The following WDR41 variants were observed in gnomAD, a reference collection of about 807,000 sequenced individuals.
The protein encoded by WDR41 is WD repeat domain 41.
Under a neutral mutation model 69.3 loss-of-function variants are expected in WDR41, and 63 were observed. That is an observed-to-expected ratio of 0.91 (90% confidence interval 0.74 to 1.12). The LOEUF (loss-of-function observed/expected upper bound fraction) is 1.12, where lower values mean the gene tolerates loss of function less well. Ranked by LOEUF, WDR41 falls within the 50% of genes most tolerant of loss-of-function variation. The pLI is 0.00. For missense variants in WDR41, 543 were observed against 534.5 expected (o/e 1.02, Z -0.16); for synonymous variants, 185 against 192.1 (o/e 0.96, Z 0.31).
chr5:77,544,405 T>C (rs1370277775), intron 1 of WDR41, among the ~76,000 whole-genome samples: 1 of 151,994 alleles, frequency 6.6e-6, no homozygotes, highest in African/African-American at 2.4e-5. Flanking sequence ...TCACCAACCA[T>C]CTGCTGGCTT....
intron 1 of WDR41, among the ~76,000 whole-genome samples, chr5:77,551,235 A>T (rs577562076): frequency 6.6e-6 from 1 of 152,386 alleles, no homozygotes; most frequent in South Asian, 2.1e-4. Context: ...ATAAAATTTC[A>T]GAAAGAAAGA....
intron 1 of WDR41, among the ~76,000 whole-genome samples, chr5:77,576,511 C>G (rs547726706): frequency 1.3e-5 from 2 of 152,292 alleles, no homozygotes; most frequent in East Asian, 1.9e-4. Flanking sequence ...AAGCCACTCT[C>G]TCTTTAAACT....
At chr5:77,553,355 G>A (rs181444817) in intron 1 of WDR41, among the ~76,000 whole-genome samples, 214 of 152,236 alleles carry the variant, frequency 1.4e-3, no homozygotes, top group African/African-American at 4.8e-3. Context: ...TCAAATAGCT[G>A]AAGGGATGTA....
intron 4 of WDR41, among the ~76,000 whole-genome samples, chr5:77,462,437 A>C (rs1800114214): frequency 6.6e-6 from 1 of 151,778 alleles, no homozygotes; most frequent in Non-Finnish European, 1.5e-5. Context: ...AGAATTAAAA[A>C]TACCTATGTC....
chr5:77,453,411 A>G lies in WDR41; in HGVS notation c.523+406T>C, dbSNP rs6887496. On this transcript the variant is annotated intron_variant, in intron 6 of 12. Transcript: ENST00000296679. ...ATGTACACAGAATTGTGAGAAAATG[A>G]AACTTTATCAGTAAGCTTGCACATG... Among the ~76,000 whole-genome samples the G allele has an allele frequency of 4.5e-3, 692 of 152,356 alleles. 2 individuals are homozygous for G. The highest frequency in any genetic ancestry group is 0.016 in the African/African-American group (667 of 41,582).
chr5:77,549,227 A>T (rs1479588940), intron 1 of WDR41, among the ~76,000 whole-genome samples: 1 of 152,192 alleles, frequency 6.6e-6, no homozygotes, highest in Non-Finnish European at 1.5e-5. Context: ...ACAAATCACC[A>T]CTAAAGAGCT....
chr5:77,437,435 A>C lies in WDR41; in HGVS notation c.1005-11T>G, dbSNP rs759912638. 13 of 1,611,838 alleles carry C rather than the reference A, an allele frequency of 8.1e-6. No individual in the cohort carries two copies. The highest frequency in any genetic ancestry group is 1.1e-5 in the Non-Finnish European group (13 of 1,178,348). On this transcript the variant is annotated splice_polypyrimidine_tract_variant and intron_variant, in intron 10 of 12. Transcript: ENST00000296679. ...CATGAGATTAACTGCCTGTCAGAAC[A>C]GAAAATCAGTAATACAAAAAGAGCG...
intron 1 of WDR41, among the ~76,000 whole-genome samples, chr5:77,519,365 G>A (rs1581783472): frequency 1.3e-5 from 2 of 151,750 alleles, no homozygotes; most frequent in South Asian, 2.1e-4. Context: ...TTCTAAGGAC[G>A]TTATTTTTGT....
At chr5:77,526,071 C>T (rs918535271) in intron 1 of WDR41, among the ~76,000 whole-genome samples, 9 of 151,972 alleles carry the variant, frequency 5.9e-5, no homozygotes, top group African/African-American at 2.2e-4. Flanking sequence ...TATTTTATTC[C>T]TTACAAAAAA....
At chr5:77,481,838 C>T (rs183030800) in intron 2 of WDR41, among the ~76,000 whole-genome samples, 4 of 148,888 alleles carry the variant, frequency 2.7e-5, no homozygotes, top group Admixed American at 6.7e-5. Flanking sequence ...AGTTTTGTAT[C>T]GGTTATTACT....
At chr5:77,601,423 A>G (rs1258028050) in intron 1 of WDR41, among the ~76,000 whole-genome samples, 1 of 152,188 alleles carries the variant, frequency 6.6e-6, no homozygotes, top group Non-Finnish European at 1.5e-5. Flanking sequence ...TTTTCTCAAA[A>G]TCTTCATTAG....
intron 1 of WDR41, among the ~76,000 whole-genome samples, chr5:77,505,864 T>C (rs540050446): frequency 6.6e-6 from 1 of 152,318 alleles, no homozygotes; most frequent in East Asian, 1.9e-4. Context: ...ATCTCTTCCT[T>C]ACACCTTATA....
chr5:77,508,474 T>G (rs574291651), intron 1 of WDR41, among the ~76,000 whole-genome samples: 1 of 152,224 alleles, frequency 6.6e-6, no homozygotes, highest in African/African-American at 2.4e-5. Context: ...ATTGTCATCA[T>G]AACATCTTTT....
intron 2 of WDR41, among the ~76,000 whole-genome samples, chr5:77,473,924 C>T (rs1220437131): frequency 6.6e-6 from 1 of 152,164 alleles, no homozygotes; most frequent in Non-Finnish European, 1.5e-5. Flanking sequence ...ACCCAGCAAT[C>T]CCATTACTGG....
At chr5:77,493,056 T>C (rs1167045663), upstream of WDR41, among the ~76,000 whole-genome samples, 2 of 152,190 alleles carry the variant, frequency 1.3e-5, no homozygotes, top group African/African-American at 4.8e-5. Flanking sequence ...GCTGTGGTTA[T>C]CTATGCTGAC....
intron 1 of WDR41, among the ~76,000 whole-genome samples, chr5:77,558,447 C>A (rs906344437): frequency 2.0e-5 from 3 of 152,192 alleles, no homozygotes; most frequent in South Asian, 2.1e-4. Flanking sequence ...CAGATTGCCG[C>A]ATTCACCAAA....
rs145551521 is a variant in WDR41 at position 77,433,170 on chromosome 5, A to G, written c.1345T>C (p.Leu449=). Residue 449 remains leucine, a synonymous_variant, in exon 13 of 13, where the codon TTA becomes CTA. Transcript: ENST00000296679. ...GLRSLRLFQK[L]EENGDLYLAV is the part of the protein sequence containing the mutation. ...AGGTATAAGTCACCATTCTCCTCTA[A>G]TTTTTGAAATAATCTTAAACTGCGC... 3.9e-5 allele frequency: 63 copies of G among 1,613,660 alleles called. No homozygotes were observed. The African/African-American group carries it at 7.1e-4, about 18-fold the overall frequency.
intron 4 of WDR41, among the ~76,000 whole-genome samples, chr5:77,462,725 A>G (rs2125861): frequency 0.33 from 50,700 of 151,984 alleles, 8,508 homozygotes; most frequent in East Asian, 0.36. Flanking sequence ...TGGGGAAAAA[A>G]AATGTAAATT....
At chr5:77,615,168 G>A (rs1464801366) in intron 1 of WDR41, among the ~76,000 whole-genome samples, 2 of 152,048 alleles carry the variant, frequency 1.3e-5, no homozygotes, top group Admixed American at 1.3e-4. Context: ...TCACTGAATT[G>A]TCTAAAAAAG....
Sources: allele counts gnomAD v4.1 joint callset (sites outside exome capture counted in the v4.1 genomes callset), GRCh38; gene constraint gnomAD v4.1.1; transcripts MANE v1.5; gene names NCBI Gene and HGNC (gene_info 2026-07-23, HGNC 2026-07-21).